ERCC8: variants seen among roughly 807,000 people sequenced by gnomAD.
The protein encoded by ERCC8 is ERCC excision repair 8, CSA ubiquitin ligase complex subunit.
ERCC8 carries 52 observed loss-of-function variants against 54.9 expected under a neutral mutation model. The observed-to-expected ratio is 0.95, with a 90% CI of 0.76 to 1.19. The LOEUF (loss-of-function observed/expected upper bound fraction) is 1.19. ERCC8 is among the 50% of genes most tolerant of loss of function. The pLI, the probability that ERCC8 is intolerant of heterozygous loss-of-function variation, is 0.00. For missense variants in ERCC8, 514 were observed against 466.1 expected (o/e 1.10, Z -0.95); for synonymous variants, 146 against 157.2 (o/e 0.93, Z 0.53).
At position 60,912,568 on chromosome 5, in the gene ERCC8, T is replaced by C. The variant is rs865874203; in HGVS notation, c.399+5697A>G. 3.9e-5 allele frequency among the ~76,000 whole-genome samples: 6 copies of C among 152,150 alleles called. No homozygotes were observed. The South Asian group carries it at 6.2e-4, about 16-fold the overall frequency. ...AGAACTTGACTTCCTCTTTTCCTAA[T>C]TGAATACCCTTTATCTCTTTCTCTT... is the stretch of plus-strand genomic sequence containing the variant. On this transcript the variant is annotated intron_variant, in intron 4 of 11. Transcript: ENST00000676185.
intron 5 of ERCC8, among the ~76,000 whole-genome samples, 158 bp downstream of exon 5, chr5:60,904,634 G>GTATATATATATATATA (rs869039109): frequency 6.0e-5 from 3 of 49,938 alleles, no homozygotes; most frequent in Admixed American, 2.5e-4. Context: ...GTGTGTGTGT[G>GTATATATATATATATA]TATATATATA....
At chr5:60,942,576 A>T (rs1445223022) in intron 1 of ERCC8, among the ~76,000 whole-genome samples, 3 of 152,222 alleles carry the variant, frequency 2.0e-5, no homozygotes, top group Non-Finnish European at 4.4e-5. Context: ...AATACTAGAT[A>T]TGCAAACTAA....
chr5:60,928,826 T>C (rs1554075202), intron 2 of ERCC8, 38 bp downstream of exon 2: 2 of 1,193,890 alleles, frequency 1.7e-6, no homozygotes, highest in Non-Finnish European at 2.5e-6. Context: ...GCATTTCACT[T>C]AGAAAGAAAA....
chr5:60,943,906 A>G (rs774357820), intron 1 of ERCC8, among the ~76,000 whole-genome samples: 2 of 152,238 alleles, frequency 1.3e-5, no homozygotes, highest in Non-Finnish European at 2.9e-5. Context: ...ACTCTCAGAG[A>G]TATTTCACAA....
At chr5:60,922,838 A>G (rs1749639082) in intron 2 of ERCC8, among the ~76,000 whole-genome samples, 1 of 152,264 alleles carries the variant, frequency 6.6e-6, no homozygotes, top group East Asian at 1.9e-4. Context: ...AACAAGTAGT[A>G]TGCATAATCA....
Position 60,928,855 on chromosome 5 carries a change from T to C in ERCC8, c.173+9A>G, listed in dbSNP as rs143356896. 1.3e-4 allele frequency: 192 copies of C among 1,510,016 alleles called. No homozygotes were observed. Among genetic ancestry groups the C allele is most frequent in the Non-Finnish European group, 1.1e-4 (123 of 1,087,376 alleles). The allele number at this position is 1,510,016 out of a possible 1,614,324, so 93.5% of individuals were successfully genotyped here. A position where few individuals can be genotyped will look rare whatever the true frequency, so the allele number is the denominator to read the frequency against. Reference sequence around the variant, plus strand: ...AAGAAAAATGATTATACAAGTATAATAAACTTACTATCTCCCTTCAACAGG... The same window carrying C: ...AAGAAAAATGATTATACAAGTATAACAAACTTACTATCTCCCTTCAACAGG... On this transcript the variant is annotated intron_variant, in intron 2 of 11. Transcript: ENST00000676185.
At chr5:60,935,993 G>C (rs558258941) in intron 1 of ERCC8, among the ~76,000 whole-genome samples, 1 of 151,930 alleles carries the variant, frequency 6.6e-6, no homozygotes, top group South Asian at 2.1e-4. Flanking sequence ...GTTGGTCTGC[G>C]GTTGTCTTTG....
chr5:60,928,954 A>C lies in ERCC8; in HGVS notation c.83T>G (p.Leu28Trp), dbSNP rs778711158. ...LRRAESTRRVLGLELNKDRDV... is the reference protein window; with the variant it reads ...LRRAESTRRVWGLELNKDRDV... ...TCTGTCTTTATTTAATTCCAGTCCCAAAACTCTTAAAAATAAAAGGGGGAG... is the reference window on the plus strand; with the variant it reads ...TCTGTCTTTATTTAATTCCAGTCCCCAAACTCTTAAAAATAAAAGGGGGAG... Residue 28 changes from leucine (L) to tryptophan (W), a missense_variant, in exon 2 of 12, where the codon TTG (leucine) becomes TGG (tryptophan). Transcript: ENST00000676185. 3.7e-5 allele frequency: 59 copies of C among 1,574,370 alleles called. 1 individual carries two copies. The South Asian group carries it at 6.5e-4, about 17-fold the overall frequency.
chr5:60,886,403 A>C (rs755225081), intron 11 of ERCC8, among the ~76,000 whole-genome samples: 42 of 152,116 alleles, frequency 2.8e-4, no homozygotes, highest in Non-Finnish European at 4.9e-4. Flanking sequence ...ACGTGAGAAC[A>C]AAGTCTTAAA....
chr5:60,906,382 C>T (rs1749072058), intron 4 of ERCC8, among the ~76,000 whole-genome samples: 1 of 150,884 alleles, frequency 6.6e-6, no homozygotes, highest in Non-Finnish European at 1.5e-5. Context: ...GTCTGGTGGT[C>T]TCTCATTAGC....
chr5:60,890,060 T>C (rs1748503522), intron 10 of ERCC8, among the ~76,000 whole-genome samples: 1 of 152,086 alleles, frequency 6.6e-6, no homozygotes, highest in Non-Finnish European at 1.5e-5. Flanking sequence ...TATAAATATT[T>C]ATATATTTTA....
intron 9 of ERCC8, chr5:60,892,514 A>T: frequency 1.7e-6 from 1 of 601,164 alleles, no homozygotes; most frequent in East Asian, 3.8e-5. Flanking sequence ...CAGCTAGGAC[A>T]GTTTTGGCTG....
intron 9 of ERCC8, among the ~76,000 whole-genome samples, chr5:60,896,139 C>A (rs562778817): frequency 6.6e-5 from 10 of 151,858 alleles, no homozygotes; most frequent in African/African-American, 2.4e-4. Flanking sequence ...GCATGCGCCA[C>A]CATGCCCGGC....
intron 11 of ERCC8, among the ~76,000 whole-genome samples, chr5:60,877,875 C>A (rs1748064509): frequency 6.6e-6 from 1 of 152,160 alleles, no homozygotes; most frequent in Admixed American, 6.5e-5. Flanking sequence ...CCTTTTCCTG[C>A]CTGATTGCCC....
At chr5:60,884,021 A>G (rs1281274380) in intron 11 of ERCC8, among the ~76,000 whole-genome samples, 1 of 152,230 alleles carries the variant, frequency 6.6e-6, no homozygotes, top group Non-Finnish European at 1.5e-5. Flanking sequence ...TTACATCTTG[A>G]TTGATGGGGA....
intron 9 of ERCC8, among the ~76,000 whole-genome samples, chr5:60,895,071 T>TGA (rs962980316): frequency 1.3e-5 from 2 of 149,276 alleles, no homozygotes; most frequent in African/African-American, 2.5e-5. Context: ...CTCAGGAGGC[T>TGA]GAGAGAGAGA....
chr5:60,944,854 G>C lies in ERCC8; in HGVS notation c.77+78C>G, dbSNP rs4647040. On this transcript the variant is annotated intron_variant, in intron 1 of 11. Coordinates refer to ENST00000676185, the MANE Select transcript of ERCC8 (RefSeq NM_000082.4). ...TGGTGGCAGGAGAGCGATGAGACGG[G>C]AAAGTGTGGGGCAAAGCTTACAGTC... 1.3e-5 allele frequency: 14 copies of C among 1,066,956 alleles called. No individual in the cohort carries two copies. In the African/African-American group the frequency reaches 1.7e-4, roughly 13 times the overall value. 66.1% of individuals were successfully genotyped at this position (1,066,956 alleles called of 1,614,324 possible).
At chr5:60,877,949 C>T (rs1196407131) in intron 11 of ERCC8, among the ~76,000 whole-genome samples, 1 of 152,102 alleles carries the variant, frequency 6.6e-6, no homozygotes, top group Non-Finnish European at 1.5e-5. Flanking sequence ...TGTCTTGTGC[C>T]TGTTTTCAAA....
intron 1 of ERCC8, among the ~76,000 whole-genome samples, chr5:60,933,130 T>C (rs1189764382): frequency 6.6e-6 from 1 of 152,146 alleles, no homozygotes; most frequent in African/African-American, 2.4e-5. Flanking sequence ...TTTTACCTTT[T>C]ATTTTTGTTT....
Sources: gnomAD v4.1 joint callset for allele counts (sites outside exome capture counted in the v4.1 genomes callset) on GRCh38, gnomAD v4.1.1 for gene constraint, MANE v1.5 for transcripts, NCBI Gene and HGNC (gene_info 2026-07-23, HGNC 2026-07-21) for gene names.